Variants in DLL4 observed in about 807,000 individuals in gnomAD.
DLL4 encodes delta-like protein 4.
In DLL4, 7 loss-of-function variants were observed where a neutral mutation model predicts 73.6. The ratio of observed to expected loss-of-function variants is 0.10; its 90% CI spans 0.05 to 0.18. DLL4 has a LOEUF of 0.18. DLL4 is among the 10% of genes least tolerant of loss of function. DLL4 has a pLI of 1.00. For missense variants in DLL4, 614 were observed against 929.9 expected (o/e 0.66, Z 4.42); for synonymous variants, 345 against 374.3 (o/e 0.92, Z 0.90).
In DLL4 at chr15:40,934,961, A is replaced by G. The variant is rs1460027844; in HGVS notation, c.1084A>G (p.Ser362Gly). The G allele has an allele frequency of 6.2e-7, 1 of 1,613,754 alleles. No individual in the cohort carries two copies. The highest frequency in any genetic ancestry group is 8.5e-7 in the Non-Finnish European group (1 of 1,179,894). Reference protein sequence around the residue: ...PGYYGLHCEHSTLSCADSPCF... With the variant: ...PGYYGLHCEHGTLSCADSPCF... ...CTACTATGGCCTGCATTGTGAACAC[A>G]GCACCTTGAGCTGCGCCGACTCCCC... The change falls in exon 8 of 11, where the codon AGC becomes GGC. Residue 362 changes from serine (S) to glycine (G), a missense_variant. By Grantham distance (56) the Ser-to-Gly change is moderately conservative (BLOSUM62 0). This residue lies in a region of DLL4 where 386 missense variants were observed against 541.3 expected (regional missense o/e 0.71). Coordinates refer to ENST00000249749, the MANE Select transcript of DLL4 (RefSeq NM_019074.4).
chr15:40,929,522 A>G lies in DLL4; in HGVS notation c.-147A>G, dbSNP rs1054737811. 2.7e-6 allele frequency: 2 copies of G among 730,292 alleles called. No individual in the cohort carries two copies. Among genetic ancestry groups the G allele is most frequent in the Admixed American group, 3.2e-5 (1 of 31,602 alleles). The allele number at this position is 730,292 out of a possible 1,614,324, so 45.2% of individuals were successfully genotyped here. A position where few individuals can be genotyped will look rare whatever the true frequency, so the allele number is the denominator to read the frequency against. On this transcript the variant is annotated 5_prime_UTR_variant, in exon 1 of 11. Coordinates refer to ENST00000249749, the MANE Select transcript of DLL4 (RefSeq NM_019074.4). The surrounding 1 kb of genome is among the most constrained non-coding windows in gnomAD (Gnocchi z 7.1). ...TTACCTACAGCGGCAGCTGCAGCGG[A>G]GCCAGCGAGAAGGCCAAAGGGGAGC...
At position 40,931,665 on chromosome 15, in the gene DLL4, G is replaced by T. The variant is rs201505624; in HGVS notation, c.557G>T (p.Arg186Leu). The T allele has an allele frequency of 6.2e-7, 1 of 1,613,654 alleles. No individual in the cohort carries two copies. The highest frequency in any genetic ancestry group is 8.5e-7 in the Non-Finnish European group (1 of 1,179,796). ...AACTACTATGGAGACAACTGCTCCC[G>T]CCTGTGCAAGAAGCGCAATGACCAC... The part of the protein sequence containing the change: ...SDNYYGDNCS[R>L]LCKKRNDHFG... The change falls in exon 4 of 11, where the codon CGC (arginine) becomes CTC (leucine). Residue 186 changes from arginine (R) to leucine (L), a missense_variant. Around this residue, in one of 3 missense-constraint regions of DLL4, gnomAD observed 227 missense variants for 370.8 expected, o/e 0.61. Coordinates refer to ENST00000249749, the MANE Select transcript of DLL4 (RefSeq NM_019074.4).
Position 40,930,338 on chromosome 15 carries a change from C to A in DLL4, c.336+222C>A. The A allele has an allele frequency of 1.5e-6, 1 of 671,744 alleles. No homozygotes were observed. Among genetic ancestry groups the A allele is most frequent in the Non-Finnish European group, 2.5e-6 (1 of 399,056 alleles). 41.6% of individuals were successfully genotyped at this position (671,744 alleles called of 1,614,324 possible). On this transcript the variant is annotated intron_variant, in intron 2 of 10. Coordinates refer to ENST00000249749, the MANE Select transcript of DLL4 (RefSeq NM_019074.4). This position sits in a 1 kb window ranked among gnomAD's most constrained non-coding sequence, Gnocchi z 5.7. Reference sequence around the variant, plus strand: ...AGTTTATGTCCTCCCGTCCCCAGCTCTTGGGACACGATTTTCATTACCTAC... The same window carrying A: ...AGTTTATGTCCTCCCGTCCCCAGCTATTGGGACACGATTTTCATTACCTAC...
Position 40,929,535 on chromosome 15 carries a change from G to A in DLL4, c.-134G>A. 1.2e-6 allele frequency: 1 copy of A among 852,186 alleles called. No individual in the cohort carries two copies. Among genetic ancestry groups the A allele is most frequent in the East Asian group, 2.8e-5 (1 of 36,214 alleles). 52.8% of individuals were successfully genotyped at this position (852,186 alleles called of 1,614,324 possible). A position where few individuals can be genotyped will look rare whatever the true frequency, so the allele number is the denominator to read the frequency against. On this transcript the variant is annotated 5_prime_UTR_variant, in exon 1 of 11. Transcript: ENST00000249749. The surrounding 1 kb of genome is among the most constrained non-coding windows in gnomAD (Gnocchi z 7.1). The stretch of plus-strand genomic sequence containing the variant: ...CAGCTGCAGCGGAGCCAGCGAGAAG[G>A]CCAAAGGGGAGCAGCGTCCCGAGAG...
rs369687487 is a variant in DLL4 at position 40,935,063 on chromosome 15, G to A, written c.1186G>A (p.Gly396Ser). Residue 396 changes from glycine (G) to serine (S), a missense_variant, in exon 8 of 11, where the codon GGC becomes AGC. Gly to Ser is a moderately conservative substitution (Grantham distance 56). Coordinates refer to ENST00000249749, the MANE Select transcript of DLL4 (RefSeq NM_019074.4). The part of the protein sequence containing the change: ...YACECPPNFT[G>S]SNCEKKVDRC... ...TTGTGAATGTCCCCCCAACTTCACCGGCTCCAACTGCGAGAAGAAAGTGGA... is the reference window on the plus strand; with the variant it reads ...TTGTGAATGTCCCCCCAACTTCACCAGCTCCAACTGCGAGAAGAAAGTGGA... 72 of 1,613,284 alleles carry A rather than the reference G, an allele frequency of 4.5e-5. No individual in the cohort carries two copies. The highest frequency in any genetic ancestry group is 2.2e-4 in the Admixed American group (13 of 60,004).
In DLL4 at chr15:40,931,681, C is replaced by T; in HGVS notation, c.573C>T (p.Arg191=). The T allele has an allele frequency of 6.2e-7, 1 of 1,613,820 alleles. No homozygotes were observed. The highest frequency in any genetic ancestry group is 1.1e-5 in the South Asian group (1 of 91,056). ...ACTGCTCCCGCCTGTGCAAGAAGCGCAATGACCACTTCGGCCACTATGTGT... is the reference window on the plus strand; with the variant it reads ...ACTGCTCCCGCCTGTGCAAGAAGCGTAATGACCACTTCGGCCACTATGTGT... ...GDNCSRLCKK[R]NDHFGHYVCQ... Residue 191 remains arginine (R), a synonymous_variant, in exon 4 of 11, where the codon CGC becomes CGT. Transcript: ENST00000249749.
chr15:40,932,368 T>C lies in DLL4; in HGVS notation c.771T>C (p.Asn257=), dbSNP rs1892782812. 1 of 1,613,958 alleles carries C rather than the reference T, an allele frequency of 6.2e-7. No individual in the cohort carries two copies. Among genetic ancestry groups the C allele is most frequent in the South Asian group, 1.1e-5 (1 of 91,084 alleles). ...TGTGTAACGAATGCATCCCCCACAA[T>C]GGCTGTCGCCACGGCACCTGCAGCA... ...GRLCNECIPH[N]GCRHGTCSTP... Residue 257 remains asparagine (N), a synonymous_variant, in exon 6 of 11, where the codon AAT becomes AAC. Transcript: ENST00000249749.
Position 40,929,892 on chromosome 15 carries a change from A to G in DLL4, c.112A>G (p.Ile38Val). The G allele has an allele frequency of 6.2e-7, 1 of 1,612,872 alleles. No individual in the cohort carries two copies. The highest frequency in any genetic ancestry group is 1.1e-5 in the South Asian group (1 of 91,074). Reference sequence around the variant, plus strand: ...CTTCCAGCTGCAGCTGCAGGAGTTCATCAACGAGCGCGGCGTACTGGCCAG... The same window carrying G: ...CTTCCAGCTGCAGCTGCAGGAGTTCGTCAACGAGCGCGGCGTACTGGCCAG... The part of the protein sequence containing the change: ...GVFQLQLQEF[I>V]NERGVLASGR... The change falls in exon 2 of 11, where the codon ATC becomes GTC. Residue 38 changes from isoleucine to valine, a missense_variant. By Grantham distance (29) the Ile-to-Val change is conservative. Around this residue, in one of 3 missense-constraint regions of DLL4, gnomAD observed 227 missense variants for 370.8 expected, o/e 0.61. Coordinates refer to ENST00000249749, the MANE Select transcript of DLL4 (RefSeq NM_019074.4). The surrounding 1 kb of genome is among the most constrained non-coding windows in gnomAD (Gnocchi z 7.1).
Position 40,938,100 on chromosome 15 carries a change from A to C in DLL4, c.*66A>C. ...TGGACCTTCCTTCTGCATTGTTTAC[A>C]TTGCATCCTGGATGGGACGTTTTTC... On this transcript the variant is annotated 3_prime_UTR_variant, in exon 11 of 11. Transcript: ENST00000249749. The C allele has an allele frequency of 6.8e-7, 1 of 1,475,158 alleles. No homozygotes were observed. Among genetic ancestry groups the C allele is most frequent in the South Asian group, 1.4e-5 (1 of 70,524 alleles). The allele number at this position is 1,475,158 out of a possible 1,614,324, so 91.4% of individuals were successfully genotyped here. A position where few individuals can be genotyped will look rare whatever the true frequency, so the allele number is the denominator to read the frequency against.
intron 6 of DLL4, among the ~76,000 whole-genome samples, chr15:40,932,840 C>G (rs1449310932): frequency 6.6e-6 from 1 of 152,190 alleles, no homozygotes; most frequent in Non-Finnish European, 1.5e-5. Context: ...GAGCAGCTCT[C>G]CCCTAAACAG....
rs1279531794 is a variant in DLL4, at chr15:40,938,709, G to A, written c.*675G>A. On this transcript the variant is annotated 3_prime_UTR_variant, in exon 11 of 11. Transcript: ENST00000249749. ...CTGGGCTTCTGTAAGCAGACAGGCAGAGGGCCTGCCCCTCCCACCAGCCAA... is the reference window on the plus strand; with the variant it reads ...CTGGGCTTCTGTAAGCAGACAGGCAAAGGGCCTGCCCCTCCCACCAGCCAA... The A allele has an allele frequency of 2.6e-5, 4 of 152,636 alleles. No individual in the cohort carries two copies. Among genetic ancestry groups the A allele is most frequent in the Non-Finnish European group, 5.9e-5 (4 of 68,116 alleles). The allele number at this position is 152,636 out of a possible 1,614,324, so 9.5% of individuals were successfully genotyped here. A position where few individuals can be genotyped will look rare whatever the true frequency, so the allele number is the denominator to read the frequency against.
chr15:40,932,712 G>T (rs1365973125), intron 6 of DLL4, among the ~76,000 whole-genome samples: 1 of 152,166 alleles, frequency 6.6e-6, no homozygotes, highest in Non-Finnish European at 1.5e-5. Context: ...CAGCCTGGAG[G>T]TTGCACTCAT....
At chr15:40,932,095 C>G (rs1039117487) in intron 4 of DLL4, 76 bp from the exon 5 acceptor site, 1 of 1,556,478 alleles carries the variant, frequency 6.4e-7, no homozygotes, top group Non-Finnish European at 8.8e-7. Context: ...AGGGGATCCC[C>G]AGGGCCAGCA....
rs1158203461 is a variant in DLL4, at chr15:40,937,480, T to A, written c.2006T>A (p.Val669Glu). 11 of 1,613,610 alleles carry A rather than the reference T, an allele frequency of 6.8e-6. No individual in the cohort carries two copies. Among genetic ancestry groups the A allele is most frequent in the Non-Finnish European group, 9.3e-6 (11 of 1,179,570 alleles). ...CSPRDSMYQSVCLISEERNEC... is the reference protein window; with the variant it reads ...CSPRDSMYQSECLISEERNEC... The stretch of plus-strand genomic sequence containing the variant: ...CCCAGGGACTCCATGTACCAGTCTG[T>A]GTGTTTGATATCAGAGGAGAGGAAT... The change falls in exon 10 of 11, where the codon GTG (valine) becomes GAG (glutamate). Residue 669 changes from valine (V) to glutamate (E), a missense_variant. Physicochemically the swap from Val to Glu is moderately radical, Grantham distance 121. Transcript: ENST00000249749.
intron 3 of DLL4, 200 bp from the exon 4 acceptor site, chr15:40,931,303 T>C (rs1892766143): frequency 1.6e-6 from 1 of 618,978 alleles, no homozygotes; most frequent in South Asian, 2.0e-5. Flanking sequence ...CCCCTGCACA[T>C]GCACACACGT....
Position 40,929,556 on chromosome 15 carries a change from G to T in DLL4, c.-113G>T, listed in dbSNP as rs529526535. Reference sequence around the variant, plus strand: ...GAAGGCCAAAGGGGAGCAGCGTCCCGAGAGGAGCGCCTCTTTTCAGGGACC... The same window carrying T: ...GAAGGCCAAAGGGGAGCAGCGTCCCTAGAGGAGCGCCTCTTTTCAGGGACC... On this transcript the variant is annotated 5_prime_UTR_variant, in exon 1 of 11. Coordinates refer to ENST00000249749, the MANE Select transcript of DLL4 (RefSeq NM_019074.4). The surrounding 1 kb of genome is among the most constrained non-coding windows in gnomAD (Gnocchi z 7.1). 4 of 1,006,050 alleles carry T rather than the reference G, an allele frequency of 4.0e-6. No individual in the cohort carries two copies. Among genetic ancestry groups the T allele is most frequent in the Admixed American group, 2.9e-5 (1 of 33,922 alleles). The allele number at this position is 1,006,050 out of a possible 1,614,324, so 62.3% of individuals were successfully genotyped here. A position where few individuals can be genotyped will look rare whatever the true frequency, so the allele number is the denominator to read the frequency against.
chr15:40,937,452 TC>T lies in DLL4; in HGVS notation c.1983del (p.Arg662GlyfsTer10). The stretch of plus-strand genomic sequence containing the variant: ...AGAGTGTCGGATATCAGCGATATGC[TC>T]CCCCAGGGACTCCATGTACCAGTCT... Reference protein sequence around the residue: ...KPECRISAICSPRDSMYQSVC... With the variant: ...KPECRISAICXPRDSMYQSVC... On this transcript the variant is annotated frameshift_variant, in exon 10 of 11. Coordinates refer to ENST00000249749, the MANE Select transcript of DLL4 (RefSeq NM_019074.4). LOFTEE classifies it high-confidence loss of function. The T allele has an allele frequency of 6.2e-7, 1 of 1,613,646 alleles. No individual in the cohort carries two copies. Among genetic ancestry groups the T allele is most frequent in the Non-Finnish European group, 8.5e-7 (1 of 1,179,650 alleles).
chr15:40,936,611 C>G lies in DLL4; in HGVS notation c.1624C>G (p.Leu542Val), dbSNP rs778724796. Residue 542 changes from leucine (L) to valine (V), a missense_variant, in exon 9 of 11, where the codon CTG (leucine) becomes GTG (valine). Physicochemically the swap from Leu to Val is conservative, Grantham distance 32. Coordinates refer to ENST00000249749, the MANE Select transcript of DLL4 (RefSeq NM_019074.4). ...GCTGGGTGTGGGGCTGGCAGTGCTG[C>G]TGGTACTGCTGGGCATGGTGGCAGT... Reference protein sequence around the residue: ...VSLGVGLAVLLVLLGMVAVAV... With the variant: ...VSLGVGLAVLVVLLGMVAVAV... 6.2e-7 allele frequency: 1 copy of G among 1,610,248 alleles called. No homozygotes were observed. The highest frequency in any genetic ancestry group is 1.3e-5 in the African/African-American group (1 of 74,894).
intron 4 of DLL4, 62 bp from the exon 5 acceptor site, chr15:40,932,109 G>A: frequency 1.3e-6 from 2 of 1,595,256 alleles, no homozygotes; most frequent in South Asian, 2.2e-5. Flanking sequence ...GCCAGCAGGT[G>A]AGAATGGGGC....
Sources: allele counts gnomAD v4.1 joint callset (sites outside exome capture counted in the v4.1 genomes callset), GRCh38; gene constraint gnomAD v4.1.1; regional missense constraint gnomAD v4.1.1; non-coding constraint Gnocchi (gnomAD v3.1); transcripts MANE v1.5; gene names NCBI Gene and HGNC (gene_info 2026-07-23, HGNC 2026-07-21).